RBFOX1: variants seen among roughly 807,000 people sequenced by gnomAD.
The protein encoded by RBFOX1 is RNA binding fox-1 homolog 1.
A neutral mutation model predicts 57.7 loss-of-function variants in RBFOX1; 8 were observed. The ratio of observed to expected loss-of-function variants is 0.14; its 90% CI spans 0.08 to 0.25. RBFOX1 has a LOEUF of 0.25. RBFOX1 is among the 10% of genes least tolerant of loss of function. The pLI is 1.00. For missense variants in RBFOX1, 611 were observed against 548.5 expected (o/e 1.11, Z -1.14); for synonymous variants, 326 against 222.4 (o/e 1.47, Z -4.15).
chr16:6,233,269 A>C (rs1293116349), intron 1 of RBFOX1, among the ~76,000 whole-genome samples: 1 of 152,138 alleles, frequency 6.6e-6, no homozygotes, highest in Non-Finnish European at 1.5e-5. Context: ...AGAAGCCCCA[A>C]ACTGGAGGGA....
intron 4 of RBFOX1, among the ~76,000 whole-genome samples, chr16:7,234,585 C>CAT (rs1185909520): frequency 1.2e-4 from 12 of 97,248 alleles, no homozygotes; most frequent in Middle Eastern, 4.5e-3. Context: ...CATGTGTATA[C>CAT]ATATGTGTGT....
At chr16:5,636,193 C>A (rs572308441) in intron 3 of RBFOX1, among the ~76,000 whole-genome samples, 1 of 152,010 alleles carries the variant, frequency 6.6e-6, no homozygotes, top group Non-Finnish European at 1.5e-5. Context: ...ACTAAAAATA[C>A]AAAAATTAGC....
At chr16:5,808,829 T>C (rs1456935335) in intron 3 of RBFOX1, among the ~76,000 whole-genome samples, 2 of 152,188 alleles carry the variant, frequency 1.3e-5, no homozygotes, top group Non-Finnish European at 2.9e-5. Flanking sequence ...GCTGAGACAA[T>C]GGGGTTTTCT....
chr16:6,993,541 C>T (rs968692925), intron 3 of RBFOX1, among the ~76,000 whole-genome samples: 8 of 152,068 alleles, frequency 5.3e-5, no homozygotes, highest in African/African-American at 1.9e-4. Flanking sequence ...AGGTCCTTTC[C>T]CCTTTGTAAT....
chr16:7,707,541 G>C (rs8056354), intron 14 of RBFOX1, among the ~76,000 whole-genome samples: 149,298 of 152,260 alleles, frequency 0.98, 73,270 homozygotes, highest in Middle Eastern at 1. Flanking sequence ...ATCAAAAAAC[G>C]ATGTCGATCC....
intron 2 of RBFOX1, among the ~76,000 whole-genome samples, chr16:6,368,538 C>G (rs1418215453): frequency 1.3e-5 from 2 of 152,196 alleles, no homozygotes; most frequent in African/African-American, 4.8e-5. Flanking sequence ...CATGGAACCT[C>G]CTTTATTTCT....
intron 4 of RBFOX1, among the ~76,000 whole-genome samples, chr16:7,266,240 G>T (rs1453236062): frequency 2.0e-5 from 3 of 152,036 alleles, no homozygotes; most frequent in Admixed American, 6.6e-5. Flanking sequence ...CTCCCAAAGT[G>T]CTGGGATTAC....
At chr16:6,796,418 C>T (rs754002966) in intron 3 of RBFOX1, among the ~76,000 whole-genome samples, 7 of 152,080 alleles carry the variant, frequency 4.6e-5, no homozygotes, top group Non-Finnish European at 1.0e-4. Flanking sequence ...GAGCCCGATT[C>T]CTTAAAACAG....
intron 1 of RBFOX1, among the ~76,000 whole-genome samples, chr16:5,243,401 G>T (rs1353427282): frequency 6.6e-6 from 1 of 152,190 alleles, no homozygotes; most frequent in Non-Finnish European, 1.5e-5. Context: ...TCCTGTAGAG[G>T]AGCATCCGCG....
chr16:6,453,840 G>T lies in RBFOX1; in HGVS notation c.-64+136783G>T, dbSNP rs1272615574. Reference sequence around the variant, plus strand: ...GCTTACTGACCACACAGGGCCAGAGGCTACCATACTGGATGGCACGGATAT... The same window carrying T: ...GCTTACTGACCACACAGGGCCAGAGTCTACCATACTGGATGGCACGGATAT... On this transcript the variant is annotated intron_variant, in intron 2 of 15. Transcript: ENST00000550418. Among the ~76,000 whole-genome samples the T allele has an allele frequency of 1.3e-5, 2 of 152,216 alleles. 1 individual carries two copies. Among genetic ancestry groups the T allele is most frequent in the Non-Finnish European group, 2.9e-5 (2 of 68,042 alleles).
At chr16:6,088,164 A>G (rs947363938) in intron 1 of RBFOX1, among the ~76,000 whole-genome samples, 3 of 152,148 alleles carry the variant, frequency 2.0e-5, no homozygotes, top group Non-Finnish European at 4.4e-5. Flanking sequence ...TTACTCTACC[A>G]GAAAACTTAC....
chr16:5,634,401 C>T (rs1362967669), intron 3 of RBFOX1, among the ~76,000 whole-genome samples: 1 of 152,108 alleles, frequency 6.6e-6, no homozygotes, highest in Non-Finnish European at 1.5e-5. Flanking sequence ...AAAATAGGGA[C>T]AATTTAACTG....
At chr16:6,530,477 T>A (rs1298526717) in intron 2 of RBFOX1, among the ~76,000 whole-genome samples, 1 of 152,194 alleles carries the variant, frequency 6.6e-6, no homozygotes, top group Non-Finnish European at 1.5e-5. Context: ...ATTCAAATTC[T>A]TTCTTTCTCA....
At chr16:6,295,502 A>G (rs547938875) in intron 1 of RBFOX1, among the ~76,000 whole-genome samples, 1 of 151,922 alleles carries the variant, frequency 6.6e-6, no homozygotes, top group Non-Finnish European at 1.5e-5. Flanking sequence ...ACCAAGTTTT[A>G]CTCTCTGAGT....
At chr16:5,316,854 G>T (rs1291316254) in intron 1 of RBFOX1, among the ~76,000 whole-genome samples, 1 of 152,176 alleles carries the variant, frequency 6.6e-6, no homozygotes, top group African/African-American at 2.4e-5. Flanking sequence ...CAGGTGAGCC[G>T]GTGCACTGAG....
rs145078213 is a variant in RBFOX1, at chr16:6,859,236, A to T, written c.-15-192821A>T. The stretch of plus-strand genomic sequence containing the variant: ...ACAAAAATTAGTTCCTCAATCCAAT[A>T]AGAACATGATTCTGACTCTTTATAA... On this transcript the variant is annotated intron_variant, in intron 3 of 15. Coordinates refer to ENST00000550418, the MANE Select transcript of RBFOX1 (RefSeq NM_018723.4). Among the ~76,000 whole-genome samples, 7 of 135,856 alleles carry T rather than the reference A, an allele frequency of 5.2e-5. 1 individual carries two copies. Among genetic ancestry groups the T allele is most frequent in the Non-Finnish European group, 1.1e-4 (7 of 62,672 alleles). 89.1% of individuals were successfully genotyped at this position (135,856 alleles called of 152,430 possible).
intron 1 of RBFOX1, among the ~76,000 whole-genome samples, chr16:6,080,591 C>A (rs1414786286): frequency 1.3e-5 from 2 of 152,150 alleles, no homozygotes; most frequent in South Asian, 2.1e-4. Flanking sequence ...TAAAAAGATT[C>A]TTTACATCAA....
intron 3 of RBFOX1, among the ~76,000 whole-genome samples, chr16:5,773,578 C>G (rs2054048400): frequency 6.6e-6 from 1 of 152,180 alleles, no homozygotes; most frequent in African/African-American, 2.4e-5. Flanking sequence ...TTATTTTTCC[C>G]ATTCTGAACA....
chr16:7,710,371 T>C (rs1410423211), intron 15 of RBFOX1: 1 of 1,353,328 alleles, frequency 7.4e-7, no homozygotes, highest in East Asian at 3.1e-5. Context: ...GTCCAGCTTA[T>C]AATAGAGTCC....
Sources: allele counts gnomAD v4.1 joint callset (sites outside exome capture counted in the v4.1 genomes callset), GRCh38; gene constraint gnomAD v4.1.1; transcripts MANE v1.5; gene names NCBI Gene and HGNC (gene_info 2026-07-23, HGNC 2026-07-21).